Variants in NSRP1 observed in about 807,000 individuals in gnomAD.
The protein encoded by NSRP1 is coiled-coil domain containing 55.
NSRP1 carries 24 observed loss-of-function variants against 54.7 expected under a neutral mutation model. The observed-to-expected ratio is 0.44, with a 90% CI of 0.32 to 0.62. The LOEUF (loss-of-function observed/expected upper bound fraction) is 0.62. Among genes scored for constraint, NSRP1 ranks in the 20% least tolerant of loss-of-function variants. The pLI is 0.06. For synonymous variants in NSRP1, 210 were observed against 213.8 expected (o/e 0.98, Z 0.15); for missense variants, 596 against 651.2 (o/e 0.92, Z 0.92).
intron 2 of NSRP1, among the ~76,000 whole-genome samples, chr17:30,121,895 G>A (rs1040809192): frequency 2.0e-5 from 3 of 151,868 alleles, no homozygotes; most frequent in Non-Finnish European, 4.4e-5. Context: ...GAGTTGTGCC[G>A]GCATCACCAC....
chr17:30,181,638 T>C (rs974465501), intron 6 of NSRP1, among the ~76,000 whole-genome samples: 37 of 147,286 alleles, frequency 2.5e-4, no homozygotes, highest in African/African-American at 9.4e-4. Flanking sequence ...TGGAATGGAG[T>C]CTTGCTCTGT....
intron 3 of NSRP1, among the ~76,000 whole-genome samples, chr17:30,174,534 T>TCC (rs1905062843): frequency 6.6e-6 from 1 of 152,228 alleles, no homozygotes; most frequent in African/African-American, 2.4e-5. Context: ...TTTACAGAAC[T>TCC]GATGATGGCA....
intron 2 of NSRP1, among the ~76,000 whole-genome samples, chr17:30,130,935 C>G (rs2071694104): frequency 6.6e-6 from 1 of 152,198 alleles, no homozygotes; most frequent in Non-Finnish European, 1.5e-5. Flanking sequence ...ATCACTTGCC[C>G]TGTGCCAGTG....
chr17:30,169,911 C>G (rs556679881), intron 2 of NSRP1, among the ~76,000 whole-genome samples: 4 of 150,824 alleles, frequency 2.7e-5, no homozygotes, highest in African/African-American at 9.7e-5. Context: ...ATAGGCTGGA[C>G]TACTATAATT....
At chr17:30,131,767 A>G (rs1382690077) in intron 2 of NSRP1, among the ~76,000 whole-genome samples, 3 of 152,110 alleles carry the variant, frequency 2.0e-5, no homozygotes, top group African/African-American at 7.2e-5. Flanking sequence ...TCTTCCTTTA[A>G]TGAATTATTT....
chr17:30,183,172 A>G (rs986120236), intron 6 of NSRP1, among the ~76,000 whole-genome samples: 1 of 151,640 alleles, frequency 6.6e-6, no homozygotes, highest in African/African-American at 2.4e-5. Context: ...TGGTGAGATG[A>G]TTATGCCATA....
At chr17:30,163,811 T>C (rs1904628924) in intron 2 of NSRP1, among the ~76,000 whole-genome samples, 2 of 151,190 alleles carry the variant, frequency 1.3e-5, no homozygotes, top group African/African-American at 4.9e-5. Flanking sequence ...CCTCCCCGAG[T>C]AGCTGGGACT....
intron 2 of NSRP1, among the ~76,000 whole-genome samples, chr17:30,141,172 CT>C (rs2071802022): frequency 6.6e-6 from 1 of 152,118 alleles, no homozygotes; most frequent in East Asian, 1.9e-4. Context: ...TATTTTATTA[CT>C]TTTTTCTTTT....
chr17:30,117,757 A>G (rs28676306), intron 1 of NSRP1, among the ~76,000 whole-genome samples: 2,671 of 131,728 alleles, frequency 0.02, 68 homozygotes, highest in African/African-American at 0.094. Context: ...TCCACTACAC[A>G]TGTTTTTTTT....
At chr17:30,143,754 T>C (rs1480256558) in intron 2 of NSRP1, among the ~76,000 whole-genome samples, 2 of 152,210 alleles carry the variant, frequency 1.3e-5, no homozygotes, top group Non-Finnish European at 2.9e-5. Flanking sequence ...CTAAAGCTTA[T>C]TAAATATTTG....
intron 2 of NSRP1, among the ~76,000 whole-genome samples, chr17:30,128,433 T>C (rs1019176284): frequency 3.3e-5 from 5 of 152,118 alleles, no homozygotes; most frequent in Non-Finnish European, 7.4e-5. Flanking sequence ...CCAAATACTT[T>C]TTAAAAATGA....
chr17:30,171,178 A>T (rs949437516), intron 2 of NSRP1, among the ~76,000 whole-genome samples: 2 of 151,742 alleles, frequency 1.3e-5, no homozygotes, highest in African/African-American at 2.4e-5. Flanking sequence ...GTCTAATGTC[A>T]TATCTCTTTT....
chr17:30,185,243 G>A lies in NSRP1; in HGVS notation c.1246G>A (p.Ala416Thr), dbSNP rs891259879. 6.3e-7 allele frequency: 1 copy of A among 1,588,314 alleles called. No homozygotes were observed. Among genetic ancestry groups the A allele is most frequent in the Non-Finnish European group, 8.6e-7 (1 of 1,167,418 alleles). Residue 416 changes from alanine to threonine, a missense_variant, in exon 7 of 7, where the codon GCA becomes ACA. Physicochemically the swap from Ala to Thr is moderately conservative, Grantham distance 58 (BLOSUM62 0). Transcript: ENST00000247026. ...EKGEKEEKSKAKEEHMKVRKE... is the reference protein window; with the variant it reads ...EKGEKEEKSKTKEEHMKVRKE... ...AGGAGAGAAGGAAGAGAAAAGCAAA[G>A]CAAAGGAAGAGCATATGAAAGTAAG...
chr17:30,121,510 C>T (rs1371384229), intron 2 of NSRP1, among the ~76,000 whole-genome samples: 2 of 146,476 alleles, frequency 1.4e-5, no homozygotes, highest in African/African-American at 2.5e-5. Flanking sequence ...ATAATTCACA[C>T]ACTGTATACT....
rs1340512368 is a variant in NSRP1 at position 30,185,379 on chromosome 17, G to A, written c.1382G>A (p.Arg461Lys). ...AGAAAGGAAAGCAGCCCAAATTCTAGGGCAAAGGATAAATTTCTTGACCAA... is the reference window on the plus strand; with the variant it reads ...AGAAAGGAAAGCAGCCCAAATTCTAAGGCAAAGGATAAATTTCTTGACCAA... ...QDRKESSPNS[R>K]AKDKFLDQER... The change falls in exon 7 of 7, where the codon AGG becomes AAG. Residue 461 changes from arginine (R) to lysine (K), a missense_variant. By Grantham distance (26) the Arg-to-Lys change is conservative. Coordinates refer to ENST00000247026, the MANE Select transcript of NSRP1 (RefSeq NM_032141.4). The A allele has an allele frequency of 6.2e-7, 1 of 1,612,498 alleles. No individual in the cohort carries two copies. The highest frequency in any genetic ancestry group is 1.1e-5 in the South Asian group (1 of 90,402).
At chr17:30,129,071 T>TA (rs2071677304) in intron 2 of NSRP1, among the ~76,000 whole-genome samples, 1 of 151,828 alleles carries the variant, frequency 6.6e-6, no homozygotes, top group African/African-American at 2.4e-5. Context: ...TTTTTTTTTT[T>TA]ATACTTTTCT....
chr17:30,151,774 C>CTTTTTT (rs780507533), intron 2 of NSRP1, among the ~76,000 whole-genome samples: 39 of 48,800 alleles, frequency 8.0e-4, no homozygotes, highest in East Asian at 1.4e-3. Flanking sequence ...TTGTCACTTT[C>CTTTTTT]TTTTTTTTTT....
At chr17:30,182,651 A>G (rs1905348653) in intron 6 of NSRP1, among the ~76,000 whole-genome samples, 1 of 139,910 alleles carries the variant, frequency 7.1e-6, no homozygotes, top group South Asian at 2.3e-4. Context: ...AAAAAATAAA[A>G]TGGCTGGGCA....
chr17:30,161,871 A>G (rs1485319644), intron 2 of NSRP1, among the ~76,000 whole-genome samples: 1 of 152,144 alleles, frequency 6.6e-6, no homozygotes, highest in Non-Finnish European at 1.5e-5. Flanking sequence ...GGGTTGAGTA[A>G]TACCATTTTT....
Sources: gnomAD v4.1 joint callset for allele counts (sites outside exome capture counted in the v4.1 genomes callset) on GRCh38, gnomAD v4.1.1 for gene constraint, MANE v1.5 for transcripts, NCBI Gene and HGNC (gene_info 2026-07-23, HGNC 2026-07-21) for gene names.